Variants in CNKSR2 observed in about 807,000 individuals in gnomAD.
CNKSR2 encodes the protein connector enhancer of kinase suppressor of Ras 2, also known as CNK homolog protein 2.
In CNKSR2, 14 loss-of-function variants were observed where a neutral mutation model predicts 84.4. The observed-to-expected ratio is 0.17, with a 90% CI of 0.11 to 0.26. The LOEUF (loss-of-function observed/expected upper bound fraction) is 0.26. CNKSR2 is among the 10% of genes least tolerant of loss of function. The pLI is 1.00. For missense variants in CNKSR2, 485 were observed against 771.2 expected, an observed-to-expected ratio of 0.63 and a Z score of 4.40; for synonymous variants, 275 against 277.9, an observed-to-expected ratio of 0.99 and a Z score of 0.10.
At chrX:21,504,879 C>G (rs1438387229) in intron 8 of CNKSR2, 2 of 291,206 alleles carry the variant, frequency 6.9e-6, no homozygotes, top group Non-Finnish European at 1.2e-5. Flanking sequence ...AACATCCAAG[C>G]AAAGCAGACT....
At chrX:21,433,479 AAAC>A (rs2090662667) in intron 3 of CNKSR2, among the ~76,000 whole-genome samples, 1 of 111,732 alleles carries the variant, frequency 8.9e-6, no homozygotes, top group Admixed American at 9.6e-5. Context: ...TTAAAAAACT[AAAC>A]AAATTCTCTA....
intron 10 of CNKSR2, 105 bp downstream of exon 10, chrX:21,527,105 A>C: frequency 7.4e-5 from 52 of 706,552 alleles, no homozygotes; most frequent in Non-Finnish European, 1.0e-4. Context: ...ATATTTTCTC[A>C]CAGTTAGGAA....
At chrX:21,637,249 C>T (rs2092676420) in intron 20 of CNKSR2, 1 of 111,493 alleles carries the variant, frequency 9.0e-6, no homozygotes, top group African/African-American at 3.3e-5. Context: ...GGAAATACTC[C>T]ATGTCTTGTG....
chrX:21,510,790 T>C (rs896489799), intron 8 of CNKSR2, among the ~76,000 whole-genome samples: 5 of 112,070 alleles, frequency 4.5e-5, no homozygotes, highest in African/African-American at 1.6e-4. Flanking sequence ...GTTTATGTTG[T>C]GTGTAAAATA....
At chrX:21,489,245 A>C in intron 5 of CNKSR2, among the ~76,000 whole-genome samples, 2 of 111,344 alleles carry the variant, frequency 1.8e-5, no homozygotes, top group Non-Finnish European at 3.8e-5. Flanking sequence ...ATCAGGACCT[A>C]CTGAGGCTGT....
Position 21,555,660 on chromosome X carries a change from A to T in CNKSR2, c.1304-5811A>T, listed in dbSNP as rs1396887237. ...AACTATACTCACTATACTCATTTTC[A>T]TCAAAATATTGGCTAAAATATTCAG... On this transcript the variant is annotated intron_variant, in intron 11 of 21. Transcript: ENST00000379510. Among the ~76,000 whole-genome samples the T allele has an allele frequency of 2.7e-5, 3 of 111,658 alleles. No individual in the cohort carries two copies. In the Admixed American group the frequency reaches 2.9e-4, roughly 11 times the overall value.
intron 3 of CNKSR2, 136 bp downstream of exon 3, chrX:21,432,950 C>T: frequency 1.7e-6 from 1 of 593,258 alleles, no homozygotes; most frequent in African/African-American, 2.3e-5. Flanking sequence ...GATGATTTAC[C>T]ACAATATAGG....
Position 21,646,140 on chromosome X carries a change from A to C in CNKSR2, c.2693-2691A>C, listed in dbSNP as rs568878420. ...AGTGTATGTGTATGATGTGTAGGGG[A>C]TGGGGGCAGGGGGTGGCTTATTATC... On this transcript the variant is annotated intron_variant, in intron 20 of 21. Transcript: ENST00000379510. Among the ~76,000 whole-genome samples, 9 of 111,003 alleles carry C rather than the reference A, an allele frequency of 8.1e-5. No homozygotes were observed. The South Asian group carries it at 3.5e-3, about 43-fold the overall frequency.
intron 1 of CNKSR2, among the ~76,000 whole-genome samples, chrX:21,404,828 G>C: frequency 9.8e-6 from 1 of 102,442 alleles, no homozygotes; most frequent in Non-Finnish European, 2.0e-5. Flanking sequence ...ATATAAAGTA[G>C]AGGATCTGAC....
chrX:21,470,543 G>C (rs2091184536), intron 4 of CNKSR2, among the ~76,000 whole-genome samples: 1 of 110,483 alleles, frequency 9.1e-6, no homozygotes, highest in African/African-American at 3.3e-5. Flanking sequence ...AAGAAGTAAA[G>C]TTAGAATATA....
chrX:21,600,294 T>TG (rs2092474298), intron 17 of CNKSR2, among the ~76,000 whole-genome samples: 1 of 112,156 alleles, frequency 8.9e-6, no homozygotes, highest in Non-Finnish European at 1.9e-5. Flanking sequence ...ATAAATGTCT[T>TG]AGGAGAAAAA....
chrX:21,568,647 A>AT (rs947162030), intron 13 of CNKSR2, among the ~76,000 whole-genome samples: 3 of 109,081 alleles, frequency 2.8e-5, no homozygotes, highest in African/African-American at 6.8e-5. Context: ...AAACATTTTT[A>AT]TTTTTTTTTA....
intron 1 of CNKSR2, among the ~76,000 whole-genome samples, chrX:21,379,223 C>T (rs1052175956): frequency 1.6e-4 from 18 of 112,661 alleles, no homozygotes; most frequent in Admixed American, 3.7e-4. Flanking sequence ...TCTTTTTTCC[C>T]GTCATAGGAC....
At chrX:21,480,547 C>T (rs6629410) in intron 5 of CNKSR2, among the ~76,000 whole-genome samples, 2,319 of 111,951 alleles carry the variant, frequency 0.021, 55 homozygotes, top group East Asian at 0.2. Context: ...CACAAGCCTG[C>T]TTGTCTCTGT....
intron 11 of CNKSR2, among the ~76,000 whole-genome samples, chrX:21,545,205 G>A (rs1465098581): frequency 8.9e-6 from 1 of 111,737 alleles, no homozygotes; most frequent in Non-Finnish European, 1.9e-5. Context: ...CTGGGGGAAG[G>A]GGCGTCCACC....
At chrX:21,538,296 T>A (rs1444482518) in intron 11 of CNKSR2, 2 of 112,052 alleles carry the variant, frequency 1.8e-5, no homozygotes, top group Non-Finnish European at 3.8e-5. Context: ...TGCTGAGAAA[T>A]CCACTGTTAT....
chrX:21,538,442 G>C (rs1278525971), intron 11 of CNKSR2: 1 of 111,683 alleles, frequency 9.0e-6, no homozygotes, highest in Non-Finnish European at 1.9e-5. Flanking sequence ...ATCTGTTTGC[G>C]GTTCTTTGAG....
chrX:21,582,761 A>G (rs1382257061), intron 13 of CNKSR2, among the ~76,000 whole-genome samples: 1 of 111,990 alleles, frequency 8.9e-6, no homozygotes, highest in Non-Finnish European at 1.9e-5. Flanking sequence ...ATTTTGAGCT[A>G]AGGATGGCAG....
intron 13 of CNKSR2, among the ~76,000 whole-genome samples, chrX:21,578,241 A>C (rs970587824): frequency 1.8e-5 from 2 of 111,760 alleles, no homozygotes; most frequent in African/African-American, 6.5e-5. Flanking sequence ...GACTGATTTT[A>C]GGTAAATTAG....
Sources: allele counts gnomAD v4.1 joint callset (sites outside exome capture counted in the v4.1 genomes callset), GRCh38; gene constraint gnomAD v4.1.1; transcripts MANE v1.5; gene names NCBI Gene and HGNC (gene_info 2026-07-23, HGNC 2026-07-21).